Variants in SPIDR observed in about 807,000 individuals in gnomAD.
SPIDR encodes the protein scaffold protein involved in DNA repair, also known as DNA repair-scaffolding protein.
SPIDR carries 93 observed loss-of-function variants against 104.6 expected under a neutral mutation model. The ratio of observed to expected loss-of-function variants is 0.89; its 90% CI spans 0.75 to 1.06. The LOEUF (loss-of-function observed/expected upper bound fraction) is 1.06. SPIDR is among the 50% of genes least tolerant of loss of function. The pLI, the probability that SPIDR is intolerant of heterozygous loss-of-function variation, is 0.00. For missense variants in SPIDR, 1,154 were observed against 1,111.2 expected, an observed-to-expected ratio of 1.04 and a Z score of -0.55; for synonymous variants, 431 against 416.9, an observed-to-expected ratio of 1.03 and a Z score of -0.41.
intron 5 of SPIDR, among the ~76,000 whole-genome samples, chr8:47,299,829 G>T (rs1563526296): frequency 6.6e-6 from 1 of 152,150 alleles, no homozygotes; most frequent in Non-Finnish European, 1.5e-5. Flanking sequence ...TAAGGTTTTT[G>T]ATGTGCTGCT....
At chr8:47,475,480 T>C (rs536813472) in intron 8 of SPIDR, among the ~76,000 whole-genome samples, 3 of 152,374 alleles carry the variant, frequency 2.0e-5, no homozygotes, top group Admixed American at 2.0e-4. Context: ...AATCCGAAGA[T>C]CATGCAGTGA....
chr8:47,713,673 A>G (rs749503693), intron 16 of SPIDR, 32 bp downstream of exon 16: 1 of 1,612,340 alleles, frequency 6.2e-7, no homozygotes, highest in South Asian at 1.1e-5. Flanking sequence ...ATTGGTGCTT[A>G]TACTTTCTTA....
chr8:47,353,247 A>G (rs1480457077), intron 5 of SPIDR, among the ~76,000 whole-genome samples: 1 of 152,052 alleles, frequency 6.6e-6, no homozygotes, highest in East Asian at 1.9e-4. Flanking sequence ...GCCAGATTGT[A>G]TTTTACTTAC....
intron 14 of SPIDR, among the ~76,000 whole-genome samples, chr8:47,711,578 A>G (rs1378435552): frequency 6.6e-6 from 1 of 152,086 alleles, no homozygotes; most frequent in African/African-American, 2.4e-5. Context: ...GCTTCCTGCT[A>G]TTGAGATATC....
intron 2 of SPIDR, among the ~76,000 whole-genome samples, chr8:47,280,457 A>G (rs1250458222): frequency 6.7e-6 from 1 of 148,498 alleles, no homozygotes; most frequent in East Asian, 2.0e-4. Flanking sequence ...CAGTGAGGCT[A>G]TGTTGGCTCG....
chr8:47,533,798 A>T (rs990492725), intron 8 of SPIDR, among the ~76,000 whole-genome samples: 23 of 152,238 alleles, frequency 1.5e-4, no homozygotes, highest in African/African-American at 5.5e-4. Context: ...GAGAAAAGGG[A>T]ACCCTAATAC....
chr8:47,731,988 C>A, intron 19 of SPIDR: 1 of 601,572 alleles, frequency 1.7e-6, no homozygotes, highest in African/African-American at 1.8e-5. Context: ...GCATGGCACA[C>A]AGCTCTCCAG....
At chr8:47,484,383 T>C (rs1488658930) in intron 8 of SPIDR, among the ~76,000 whole-genome samples, 1 of 152,258 alleles carries the variant, frequency 6.6e-6, no homozygotes, top group Non-Finnish European at 1.5e-5. Context: ...AGGTGGGCCA[T>C]CTCACCTAGG....
chr8:47,668,502 G>A (rs1296724303), intron 10 of SPIDR, among the ~76,000 whole-genome samples: 2 of 151,028 alleles, frequency 1.3e-5, no homozygotes, highest in African/African-American at 4.8e-5. Flanking sequence ...GACAAACTAG[G>A]ACTCCCTAAC....
At chr8:47,521,838 G>T (rs1032780629) in intron 8 of SPIDR, among the ~76,000 whole-genome samples, 1 of 152,054 alleles carries the variant, frequency 6.6e-6, no homozygotes, top group South Asian at 2.1e-4. Flanking sequence ...GGAGTGTTTT[G>T]TGTTAATGAA....
intron 8 of SPIDR, among the ~76,000 whole-genome samples, chr8:47,509,956 G>C (rs901036747): frequency 1.3e-5 from 2 of 151,798 alleles, no homozygotes; most frequent in South Asian, 4.2e-4. Context: ...ACACACATCT[G>C]TACACCACAC....
intron 3 of SPIDR, among the ~76,000 whole-genome samples, chr8:47,284,773 C>T (rs919448413): frequency 2.6e-5 from 4 of 152,180 alleles, no homozygotes; most frequent in African/African-American, 9.7e-5. Flanking sequence ...AGTACCTCTA[C>T]CTTTGACTAG....
chr8:47,280,083 G>T, intron 2 of SPIDR, 66 bp downstream of exon 2: 1 of 1,488,046 alleles, frequency 6.7e-7, no homozygotes, highest in East Asian at 2.3e-5. Context: ...TCAGAACATT[G>T]TAATTACATT....
chr8:47,589,022 G>GTTTTTTTTTTTTT (rs1168001066), intron 8 of SPIDR, among the ~76,000 whole-genome samples: 384 of 88,844 alleles, frequency 4.3e-3, no homozygotes, highest in African/African-American at 7.4e-3. Context: ...TTTATAGTTT[G>GTTTTTTTTTTTTT]TTTTTTTTTT....
intron 11 of SPIDR, 132 bp downstream of exon 11, chr8:47,674,073 G>A: frequency 7.8e-6 from 9 of 1,157,252 alleles, no homozygotes; most frequent in Non-Finnish European, 1.1e-5. Flanking sequence ...ATAAAACAAG[G>A]CCAGGAGTTG....
At chr8:47,690,112 T>G (rs2078425600) in intron 11 of SPIDR, among the ~76,000 whole-genome samples, 1 of 151,586 alleles carries the variant, frequency 6.6e-6, no homozygotes, top group Admixed American at 6.6e-5. Flanking sequence ...TTTTGTGTGG[T>G]AGTGTGGGTT....
chr8:47,517,945 GT>G (rs1230929317), intron 8 of SPIDR, among the ~76,000 whole-genome samples: 1 of 152,090 alleles, frequency 6.6e-6, no homozygotes, highest in African/African-American at 2.4e-5. Context: ...CATCATAAGA[GT>G]TCTTGCCTCT....
At chr8:47,297,807 A>G (rs1285099112) in intron 5 of SPIDR, among the ~76,000 whole-genome samples, 1 of 152,186 alleles carries the variant, frequency 6.6e-6, no homozygotes, top group East Asian at 1.9e-4. Context: ...TTATGGCTGC[A>G]TAGTATTCCA....
intron 10 of SPIDR, among the ~76,000 whole-genome samples, chr8:47,633,558 G>GAAAA (rs113678854): frequency 9.7e-5 from 13 of 134,320 alleles, no homozygotes; most frequent in East Asian, 6.5e-4. Flanking sequence ...GCAAATGATT[G>GAAAA]AAAAAAAAAA....
Sources: allele counts gnomAD v4.1 joint callset (sites outside exome capture counted in the v4.1 genomes callset), GRCh38; gene constraint gnomAD v4.1.1; transcripts MANE v1.5; gene names NCBI Gene and HGNC (gene_info 2026-07-23, HGNC 2026-07-21).